ADCY5: variants seen among roughly 807,000 people sequenced by gnomAD.
ADCY5 encodes the protein adenylate cyclase 5.
Under a neutral mutation model 119.7 loss-of-function variants are expected in ADCY5, and 30 were observed. The ratio of observed to expected loss-of-function variants is 0.25; its 90% CI spans 0.19 to 0.34. The LOEUF is 0.34. ADCY5 is among the 10% of genes least tolerant of loss of function. ADCY5 has a pLI of 1.00. For missense variants in ADCY5, 1,324 were observed against 1,775.2 expected (o/e 0.75, Z 4.57); for synonymous variants, 753 against 762.2 (o/e 0.99, Z 0.20).
At chr3:123,306,025 C>G (rs1298817215) in intron 12 of ADCY5, among the ~76,000 whole-genome samples, 1 of 152,194 alleles carries the variant, frequency 6.6e-6, no homozygotes, top group East Asian at 1.9e-4. Flanking sequence ...CAGGTATGCT[C>G]CTATACCATC....
At chr3:123,381,717 C>T (rs899847681) in intron 1 of ADCY5, among the ~76,000 whole-genome samples, 4 of 152,228 alleles carry the variant, frequency 2.6e-5, no homozygotes, top group Admixed American at 6.5e-5. Context: ...ACACATCTCC[C>T]GCTGGCTTCC....
chr3:123,333,653 CA>C (rs1215945832), intron 3 of ADCY5, among the ~76,000 whole-genome samples: 1 of 152,252 alleles, frequency 6.6e-6, no homozygotes, highest in Non-Finnish European at 1.5e-5. Context: ...GGGTGCGGGA[CA>C]GGGGGCCAGG....
rs1167740564 is a variant in ADCY5, at chr3:123,416,205, T to C, written c.1134+31207A>G. ...TCACCCTCCGTGGGGCCCATTCTCC[T>C]CCAGGACCTGTCTGAATGGACAGGT... is the stretch of plus-strand genomic sequence containing the variant. On this transcript the variant is annotated intron_variant, in intron 1 of 20. Transcript: ENST00000462833. 21 of 1,535,990 alleles carry C rather than the reference T, an allele frequency of 1.4e-5. No individual in the cohort carries two copies. The highest frequency in any genetic ancestry group is 1.8e-5 in the Non-Finnish European group (21 of 1,146,924).
At chr3:123,322,726 C>A (rs1941288029) in intron 8 of ADCY5, among the ~76,000 whole-genome samples, 1 of 152,188 alleles carries the variant, frequency 6.6e-6, no homozygotes, top group Non-Finnish European at 1.5e-5. Context: ...TTCCCACTGG[C>A]AACCTTTTTA....
rs1304535419 is a variant in ADCY5 at position 123,447,488 on chromosome 3, C to T, written c.1058G>A (p.Ser353Asn). The T allele has an allele frequency of 1.9e-6, 3 of 1,611,838 alleles. No homozygotes were observed. Among genetic ancestry groups the T allele is most frequent in the Non-Finnish European group, 2.5e-6 (3 of 1,179,494 alleles). The change falls in exon 1 of 21, where the codon AGC becomes AAC. Residue 353 changes from serine to asparagine, a missense_variant. Coordinates refer to ENST00000462833, the MANE Select transcript of ADCY5 (RefSeq NM_183357.3). ...LPVRMRAAVL[S>N]GVLLSALHLA... Reference sequence around the variant, plus strand: ...GTGGAGGGCGGACAGGAGCACCCCGCTGAGCACTGCGGCCCGCATGCGCAC... The same window carrying T: ...GTGGAGGGCGGACAGGAGCACCCCGTTGAGCACTGCGGCCCGCATGCGCAC...
chr3:123,285,680 G>C (rs555888565), intron 20 of ADCY5, among the ~76,000 whole-genome samples: 2 of 152,322 alleles, frequency 1.3e-5, no homozygotes, highest in Admixed American at 6.5e-5. Flanking sequence ...GGTCATTATG[G>C]TGGCTGCTCA....
chr3:123,407,259 C>A (rs558621333), intron 1 of ADCY5, among the ~76,000 whole-genome samples: 2 of 152,164 alleles, frequency 1.3e-5, no homozygotes, highest in African/African-American at 4.8e-5. Context: ...TCAGTGCACA[C>A]CCCTCTCCTG....
At chr3:123,285,414 A>T (rs1341987960) in intron 20 of ADCY5, among the ~76,000 whole-genome samples, 1 of 151,736 alleles carries the variant, frequency 6.6e-6, no homozygotes, top group Admixed American at 6.5e-5. Context: ...TCACTATCCC[A>T]TTGCTGGGTG....
intron 1 of ADCY5, among the ~76,000 whole-genome samples, chr3:123,430,527 C>A (rs1945502267): frequency 6.6e-6 from 1 of 152,230 alleles, no homozygotes. Flanking sequence ...GAAGCAAAGG[C>A]AGCAACACCC....
chr3:123,285,692 A>G (rs1049392199), intron 20 of ADCY5, among the ~76,000 whole-genome samples: 1 of 152,178 alleles, frequency 6.6e-6, no homozygotes, highest in Admixed American at 6.5e-5. Flanking sequence ...GGCTGCTCAG[A>G]GAGTCCCTTG....
chr3:123,310,411 C>A (rs1940499748), intron 12 of ADCY5, among the ~76,000 whole-genome samples: 1 of 152,134 alleles, frequency 6.6e-6, no homozygotes, highest in South Asian at 2.1e-4. Context: ...AGGGAAGGGG[C>A]TGCACTCAGG....
chr3:123,387,992 T>C (rs1389965728), intron 1 of ADCY5, among the ~76,000 whole-genome samples: 1 of 151,758 alleles, frequency 6.6e-6, no homozygotes, highest in African/African-American at 2.4e-5. Flanking sequence ...TGCAGATGAG[T>C]AGCAAAGGGG....
At chr3:123,396,481 G>A (rs144536340) in intron 1 of ADCY5, among the ~76,000 whole-genome samples, 3 of 143,108 alleles carry the variant, frequency 2.1e-5, no homozygotes, top group Non-Finnish European at 3.0e-5. Context: ...GAAAGAAAGA[G>A]AGAGAGGGAA....
intron 1 of ADCY5, among the ~76,000 whole-genome samples, chr3:123,418,345 T>A (rs957030444): frequency 4.6e-5 from 7 of 152,214 alleles, no homozygotes; most frequent in African/African-American, 1.7e-4. Flanking sequence ...GCTGCCTTAG[T>A]ACATTTTGTG....
intron 17 of ADCY5, among the ~76,000 whole-genome samples, chr3:123,293,553 T>C (rs1205740917): frequency 6.6e-6 from 1 of 151,796 alleles, no homozygotes; most frequent in African/African-American, 2.4e-5. Context: ...ACACACACTC[T>C]TGTGCATGTG....
intron 1 of ADCY5, among the ~76,000 whole-genome samples, chr3:123,408,834 G>C (rs1374015245): frequency 3.3e-5 from 5 of 151,728 alleles, no homozygotes; most frequent in Non-Finnish European, 7.4e-5. Context: ...AAATTAGCCA[G>C]GTGTGGTGGC....
chr3:123,423,251 C>G (rs1180004004), intron 1 of ADCY5, among the ~76,000 whole-genome samples: 2 of 152,236 alleles, frequency 1.3e-5, no homozygotes, highest in Non-Finnish European at 1.5e-5. Flanking sequence ...TGGGCACAAG[C>G]TCCACTGGCT....
intron 2 of ADCY5, among the ~76,000 whole-genome samples, chr3:123,351,910 C>T (rs1296065361): frequency 6.6e-6 from 1 of 152,220 alleles, no homozygotes. Flanking sequence ...AGAGATGGGA[C>T]TTTCTTCCTT....
chr3:123,284,499 G>T lies in ADCY5; in HGVS notation c.*109C>A. 2 of 1,506,412 alleles carry T rather than the reference G, an allele frequency of 1.3e-6. No homozygotes were observed. The highest frequency in any genetic ancestry group is 9.0e-7 in the Non-Finnish European group (1 of 1,112,690). The allele number at this position is 1,506,412 out of a possible 1,614,324, so 93.3% of individuals were successfully genotyped here. A position where few individuals can be genotyped will look rare whatever the true frequency, so the allele number is the denominator to read the frequency against. On this transcript the variant is annotated 3_prime_UTR_variant, in exon 21 of 21. Coordinates refer to ENST00000462833, the MANE Select transcript of ADCY5 (RefSeq NM_183357.3). ...GGAGTCCAAGTGGAAAATCTCAGCA[G>T]CGCAGCCCTGCGGGCTGGAGCATGG...
Sources: allele counts gnomAD v4.1 joint callset (sites outside exome capture counted in the v4.1 genomes callset), GRCh38; gene constraint gnomAD v4.1.1; transcripts MANE v1.5; gene names NCBI Gene and HGNC (gene_info 2026-07-23, HGNC 2026-07-21).